The following C13orf46 variants were observed in gnomAD, a reference collection of about 807,000 sequenced individuals.
C13orf46 encodes uncharacterized protein C13orf46.
chr13:113,945,645 AAAGAAAG>A, the C13orf46 span, among the ~76,000 whole-genome samples: 3 of 138,186 alleles, frequency 2.2e-5, no homozygotes, highest in South Asian at 2.2e-4. Context: ...AGAAAGAAAG[AAAGAAAG>A]AAAGAAAGAA....
chr13:113,932,531 G>A, the C13orf46 span, among the ~76,000 whole-genome samples: 1 of 152,210 alleles, frequency 6.6e-6, no homozygotes, highest in African/African-American at 2.4e-5. Flanking sequence ...CTTCTTTGGT[G>A]AAATATCCAT....
At position 113,965,009 on chromosome 13, in the gene C13orf46, G is replaced by A. The variant is rs2052622675; in HGVS notation, c.505-15C>T. 1 of 152,332 alleles carries A rather than the reference G, an allele frequency of 6.6e-6. No individual in the cohort carries two copies. The allele number at this position is 152,332 out of a possible 1,614,324, so 9.4% of individuals were successfully genotyped here. A position where few individuals can be genotyped will look rare whatever the true frequency, so the allele number is the denominator to read the frequency against. ...TCGGTGACCACCTGTGGGGAGTGGA[G>A]ACATTTAAGGGATGGGAGGTGTCAG... On this transcript the variant is annotated splice_polypyrimidine_tract_variant and intron_variant, in intron 5 of 6. Coordinates refer to ENST00000636427, the MANE Select transcript of C13orf46 (RefSeq NM_001365455.2).
At chr13:113,949,526 G>T (rs901597793), downstream of C13orf46, among the ~76,000 whole-genome samples, 42 of 152,244 alleles carry the variant, frequency 2.8e-4, no homozygotes, top group Non-Finnish European at 5.6e-4. Context: ...CGATTAAGAA[G>T]AAACAGGTCC....
the C13orf46 span, among the ~76,000 whole-genome samples, chr13:113,945,605 G>GAGA: frequency 1.1e-5 from 1 of 93,708 alleles, no homozygotes; most frequent in African/African-American, 4.2e-5. Context: ...AAGAAAGAAA[G>GAGA]AAGAAAGAAA....
intron 6 of C13orf46, among the ~76,000 whole-genome samples, chr13:113,957,093 G>A (rs1163382787): frequency 0.3 from 44,797 of 150,512 alleles, 7,391 homozygotes; most frequent in East Asian, 0.45. Context: ...ACACTGGGGG[G>A]GTCTCCCCTG....
chr13:113,942,576 C>T, the C13orf46 span, among the ~76,000 whole-genome samples: 1 of 152,200 alleles, frequency 6.6e-6, no homozygotes, highest in Non-Finnish European at 1.5e-5. Flanking sequence ...GCCAAATGGG[C>T]TGGACTTCAT....
rs946727519 is a variant in C13orf46 at position 113,959,826 on chromosome 13, A to G, written c.573-2987T>C. 4.6e-5 allele frequency among the ~76,000 whole-genome samples: 7 copies of G among 152,384 alleles called. No individual in the cohort carries two copies. The South Asian group carries it at 1.4e-3, about 32-fold the overall frequency. On this transcript the variant is annotated intron_variant, in intron 6 of 6. Coordinates refer to ENST00000636427, the MANE Select transcript of C13orf46 (RefSeq NM_001365455.2). ...GCTATTTTAAAAAGAAGTGTAGGAC[A>G]AAGCACAAAGTCCAAGCATGTCAGA...
intron 6 of C13orf46, among the ~76,000 whole-genome samples, chr13:113,961,946 G>A (rs1468225484): frequency 6.6e-6 from 1 of 152,176 alleles, no homozygotes; most frequent in Non-Finnish European, 1.5e-5. Flanking sequence ...GAACTATGAA[G>A]TGTGCAGAGC....
chr13:113,966,444 A>G (rs2052649286), intron 5 of C13orf46, among the ~76,000 whole-genome samples: 1 of 143,980 alleles, frequency 6.9e-6, no homozygotes, highest in African/African-American at 2.6e-5. Flanking sequence ...TGATGGTATT[A>G]ATGGTGATGA....
the C13orf46 span, among the ~76,000 whole-genome samples, chr13:113,933,930 G>C: frequency 6.6e-6 from 1 of 152,170 alleles, no homozygotes; most frequent in Non-Finnish European, 1.5e-5. Flanking sequence ...GTTTCCGTGT[G>C]TTTGTTTTAT....
intron 1 of C13orf46, among the ~76,000 whole-genome samples, chr13:113,973,579 A>G (rs1184090867): frequency 6.6e-6 from 1 of 151,866 alleles, no homozygotes; most frequent in Non-Finnish European, 1.5e-5. Flanking sequence ...GTACCCCCTC[A>G]CAGGTGCTGA....
the C13orf46 span, among the ~76,000 whole-genome samples, chr13:113,943,987 C>T: frequency 1.1e-4 from 16 of 152,174 alleles, no homozygotes; most frequent in Non-Finnish European, 2.1e-4. Flanking sequence ...TCCTCTGGCT[C>T]GGGACCTTCA....
chr13:113,950,144 T>C (rs1416204901), downstream of C13orf46, among the ~76,000 whole-genome samples: 9 of 68,586 alleles, frequency 1.3e-4, no homozygotes, highest in African/African-American at 1.8e-4. Context: ...CTGGAGAATA[T>C]GGTCATCACC....
the C13orf46 span, among the ~76,000 whole-genome samples, chr13:113,946,453 A>G: frequency 6.6e-6 from 1 of 152,214 alleles, no homozygotes; most frequent in African/African-American, 2.4e-5. Flanking sequence ...AGCCACACAC[A>G]CACTTGACAC....
chr13:113,936,999 T>C, the C13orf46 span, among the ~76,000 whole-genome samples: 2 of 152,160 alleles, frequency 1.3e-5, no homozygotes, highest in Non-Finnish European at 2.9e-5. Flanking sequence ...CCTCGTAGCC[T>C]AGTGGTCTCT....
downstream of C13orf46, among the ~76,000 whole-genome samples, chr13:113,952,985 T>G (rs1406735688): frequency 6.6e-5 from 10 of 152,198 alleles, no homozygotes; most frequent in Non-Finnish European, 1.3e-4. Flanking sequence ...CAGGGATGTC[T>G]CCTGCTCCCC....
chr13:113,945,404 G>C, the C13orf46 span, among the ~76,000 whole-genome samples: 2 of 151,866 alleles, frequency 1.3e-5, no homozygotes, highest in Non-Finnish European at 2.9e-5. Flanking sequence ...AACTAGTCAG[G>C]TGTGATGGTG....
chr13:113,926,944 C>T, the C13orf46 span: 1 of 152,440 alleles, frequency 6.6e-6, no homozygotes. Context: ...TTGCATGCAG[C>T]CCTCTCAGGG....
At chr13:113,941,508 G>C in the C13orf46 span, among the ~76,000 whole-genome samples, 3 of 150,484 alleles carry the variant, frequency 2.0e-5, no homozygotes, top group Non-Finnish European at 3.0e-5. Context: ...TCGAGACCCT[G>C]ATCTCCTCTG....
Sources: gnomAD v4.1 joint callset for allele counts (sites outside exome capture counted in the v4.1 genomes callset) on GRCh38, gnomAD v4.1.1 for gene constraint, MANE v1.5 for transcripts, NCBI Gene and HGNC (gene_info 2026-07-23, HGNC 2026-07-21) for gene names.